Variants in PPTC7 observed in about 807,000 individuals in gnomAD.
The protein encoded by PPTC7 is protein phosphatase PTC7 homolog.
Under a neutral mutation model 30.8 loss-of-function variants are expected in PPTC7, and 6 were observed. That is an observed-to-expected ratio of 0.19 (90% CI 0.11 to 0.38). The LOEUF (loss-of-function observed/expected upper bound fraction) is 0.38. PPTC7 is among the 10% of genes least tolerant of loss of function. The pLI is 1.00. For synonymous variants in PPTC7, 163 were observed against 168.1 expected (o/e 0.97, Z 0.23); for missense variants, 218 against 404.8 (o/e 0.54, Z 3.96).
intron 1 of PPTC7, among the ~76,000 whole-genome samples, chr12:110,581,219 G>A (rs2064634585): frequency 6.6e-6 from 1 of 152,106 alleles, no homozygotes; most frequent in Non-Finnish European, 1.5e-5. Flanking sequence ...TTCGAGACCG[G>A]CCTGGCCAAC....
chr12:110,545,171 C>T (rs2064295927), intron 3 of PPTC7, among the ~76,000 whole-genome samples: 1 of 152,020 alleles, frequency 6.6e-6, no homozygotes, highest in Admixed American at 6.5e-5. Context: ...CGGCTCACTG[C>T]AATCTCTGCC....
chr12:110,541,853 C>G (rs569073039), intron 3 of PPTC7, among the ~76,000 whole-genome samples: 4 of 151,314 alleles, frequency 2.6e-5, no homozygotes, highest in African/African-American at 9.7e-5. Flanking sequence ...CAAGAAATAT[C>G]TTGATATCTT....
chr12:110,562,521 C>T (rs567545361), intron 1 of PPTC7, among the ~76,000 whole-genome samples: 1 of 152,158 alleles, frequency 6.6e-6, no homozygotes, highest in African/African-American at 2.4e-5. Context: ...CGGCCCAGTG[C>T]AGTGGCTCAC....
intron 1 of PPTC7, among the ~76,000 whole-genome samples, chr12:110,582,071 C>A (rs2064641993): frequency 6.6e-6 from 1 of 152,152 alleles, no homozygotes; most frequent in Non-Finnish European, 1.5e-5. Flanking sequence ...CTGGAATAGG[C>A]CTCAGGGAGC....
chr12:110,565,756 C>T (rs755942632), intron 1 of PPTC7, among the ~76,000 whole-genome samples: 1 of 152,118 alleles, frequency 6.6e-6, no homozygotes, highest in Non-Finnish European at 1.5e-5. Flanking sequence ...AAAATATTTC[C>T]TGCATATGGG....
chr12:110,573,709 C>A (rs532313886), intron 1 of PPTC7, among the ~76,000 whole-genome samples: 2 of 151,964 alleles, frequency 1.3e-5, no homozygotes. Context: ...AGGCCAGGCA[C>A]GGTGGCTCAC....
chr12:110,550,472 C>T (rs1049668179), intron 2 of PPTC7, among the ~76,000 whole-genome samples: 5 of 151,984 alleles, frequency 3.3e-5, no homozygotes, highest in East Asian at 1.9e-4. Context: ...CCTCATGATC[C>T]GCCCACCTCG....
intron 1 of PPTC7, among the ~76,000 whole-genome samples, chr12:110,571,416 C>A (rs1180279333): frequency 6.6e-6 from 1 of 151,600 alleles, no homozygotes; most frequent in East Asian, 1.9e-4. Flanking sequence ...ATTATTAAAG[C>A]AGCTTTAGAA....
intron 1 of PPTC7, among the ~76,000 whole-genome samples, chr12:110,556,285 A>G (rs2064386808): frequency 6.6e-6 from 1 of 152,236 alleles, no homozygotes; most frequent in South Asian, 2.1e-4. Flanking sequence ...AAATTCAAAA[A>G]GCATATAAAC....
chr12:110,583,006 C>A lies in PPTC7; in HGVS notation c.26G>T (p.Arg9Leu). The change falls in exon 1 of 6, where the codon CGG becomes CTG. Residue 9 changes from arginine (R) to leucine (L), a missense_variant. By Grantham distance (102) the Arg-to-Leu change is moderately radical (BLOSUM62 -2). Coordinates refer to ENST00000354300, the MANE Select transcript of PPTC7 (RefSeq NM_139283.2). ...GCCGAGCACGGCGCGGGCCACCAGC[C>A]GCCCGTACGAGAGGACCGAGAACAT... MFSVLSYG[R>L]LVARAVLGGL... 6.7e-7 allele frequency: 1 copy of A among 1,487,906 alleles called. No homozygotes were observed. The allele number at this position is 1,487,906 out of a possible 1,614,324, so 92.2% of individuals were successfully genotyped here. A position where few individuals can be genotyped will look rare whatever the true frequency, so the allele number is the denominator to read the frequency against.
At chr12:110,544,555 G>T (rs772411953) in intron 3 of PPTC7, among the ~76,000 whole-genome samples, 2 of 152,222 alleles carry the variant, frequency 1.3e-5, no homozygotes, top group African/African-American at 4.8e-5. Flanking sequence ...CACCATTTTG[G>T]CTGGGCGCAG....
chr12:110,545,813 G>C (rs2064301713), intron 3 of PPTC7, 67 bp downstream of exon 3: 4 of 1,417,292 alleles, frequency 2.8e-6, no homozygotes, highest in Admixed American at 1.7e-5. Flanking sequence ...TGCACTCAAG[G>C]GGGACAGGAG....
At chr12:110,547,150 TTAAGA>T (rs2064313159) in intron 2 of PPTC7, among the ~76,000 whole-genome samples, 1 of 152,154 alleles carries the variant, frequency 6.6e-6, no homozygotes, top group African/African-American at 2.4e-5. Context: ...AAAATATTAC[TTAAGA>T]TGAGAAAGAA....
intron 1 of PPTC7, among the ~76,000 whole-genome samples, chr12:110,579,439 G>C (rs1221525763): frequency 1.3e-5 from 2 of 152,166 alleles, no homozygotes; most frequent in Non-Finnish European, 2.9e-5. Flanking sequence ...GACTGTGTCT[G>C]CTGGCATTCC....
chr12:110,549,364 G>C (rs867954590), intron 2 of PPTC7, among the ~76,000 whole-genome samples: 1 of 151,608 alleles, frequency 6.6e-6, no homozygotes, highest in Non-Finnish European at 1.5e-5. Flanking sequence ...CTTTTTAGCA[G>C]TTGCTGGATT....
At chr12:110,562,378 G>A (rs534258639) in intron 1 of PPTC7, among the ~76,000 whole-genome samples, 6 of 149,678 alleles carry the variant, frequency 4.0e-5, no homozygotes, top group African/African-American at 1.5e-4. Context: ...ATTCTGTCAA[G>A]TTATACAGAA....
At chr12:110,561,935 T>C (rs1203795148) in intron 1 of PPTC7, among the ~76,000 whole-genome samples, 1 of 151,718 alleles carries the variant, frequency 6.6e-6, no homozygotes, top group Non-Finnish European at 1.5e-5. Context: ...CAGCAAGACC[T>C]GCCTCAAAAA....
intron 3 of PPTC7, among the ~76,000 whole-genome samples, chr12:110,541,194 C>G (rs2064256643): frequency 7.0e-6 from 1 of 143,378 alleles, no homozygotes; most frequent in African/African-American, 2.6e-5. Flanking sequence ...CCAGCCTGAC[C>G]AACACGGTGA....
At chr12:110,547,290 T>C (rs1465027435) in intron 2 of PPTC7, among the ~76,000 whole-genome samples, 1 of 152,222 alleles carries the variant, frequency 6.6e-6, no homozygotes, top group East Asian at 1.9e-4. Context: ...GCCTGCTTCC[T>C]GCCTGTGTCT....
Sources: gnomAD v4.1 joint callset for allele counts (sites outside exome capture counted in the v4.1 genomes callset) on GRCh38, gnomAD v4.1.1 for gene constraint, MANE v1.5 for transcripts, NCBI Gene and HGNC (gene_info 2026-07-23, HGNC 2026-07-21) for gene names.